Variants in LYZL2 observed in about 807,000 individuals in gnomAD.
LYZL2 encodes lysozyme-like protein 2.
Under a neutral mutation model 17.1 loss-of-function variants are expected in LYZL2, and 13 were observed. The observed-to-expected ratio is 0.76, with a 90% CI of 0.49 to 1.21. LYZL2 has a LOEUF of 1.21. Ranked by LOEUF, LYZL2 falls within the 50% of genes most tolerant of loss-of-function variation. The pLI, the probability that LYZL2 is intolerant of heterozygous loss-of-function variation, is 0.00. For missense variants in LYZL2, 166 were observed against 189.2 expected (o/e 0.88, Z 0.72); for synonymous variants, 63 against 74.4 (o/e 0.85, Z 0.79).
At chr10:30,623,805 G>A (rs1838660971) in intron 3 of LYZL2, among the ~76,000 whole-genome samples, 1 of 152,098 alleles carries the variant, frequency 6.6e-6, no homozygotes, top group South Asian at 2.1e-4. Context: ...TAAGTGTAAT[G>A]CGCTTGAATC....
intron 3 of LYZL2, among the ~76,000 whole-genome samples, chr10:30,614,951 G>A (rs1419145170): frequency 6.6e-6 from 1 of 152,146 alleles, no homozygotes; most frequent in Non-Finnish European, 1.5e-5. Flanking sequence ...ATTCAAATTA[G>A]TCATAATACC....
intron 3 of LYZL2, among the ~76,000 whole-genome samples, chr10:30,622,316 GTAGGCA>G (rs1474668800): frequency 6.6e-6 from 1 of 152,148 alleles, no homozygotes; most frequent in African/African-American, 2.4e-5. Context: ...GGAGGCCAAG[GTAGGCA>G]GATCACAAGG....
At chr10:30,619,368 A>C (rs1838583844) in intron 3 of LYZL2, among the ~76,000 whole-genome samples, 5 of 152,242 alleles carry the variant, frequency 3.3e-5, no homozygotes, top group Admixed American at 3.3e-4. Flanking sequence ...CTATAAAGAC[A>C]CATGCACACG....
At chr10:30,622,140 G>A (rs1003555220) in intron 3 of LYZL2, among the ~76,000 whole-genome samples, 1 of 151,898 alleles carries the variant, frequency 6.6e-6, no homozygotes, top group African/African-American at 2.4e-5. Flanking sequence ...AACCAATGGA[G>A]GAAATAAAAG....
At chr10:30,625,647 A>G (rs1838690139) in intron 3 of LYZL2, among the ~76,000 whole-genome samples, 1 of 152,160 alleles carries the variant, frequency 6.6e-6, no homozygotes, top group African/African-American at 2.4e-5. Flanking sequence ...ACGCACCACT[A>G]CACTCCAGCC....
intron 3 of LYZL2, among the ~76,000 whole-genome samples, chr10:30,614,709 G>A (rs1838500740): frequency 6.6e-6 from 1 of 152,174 alleles, no homozygotes; most frequent in African/African-American, 2.4e-5. Context: ...AGGTTCTCTG[G>A]ATACTTGCTG....
downstream of LYZL2, among the ~76,000 whole-genome samples, chr10:30,608,016 C>G (rs1163311404): frequency 3.3e-5 from 5 of 152,134 alleles, no homozygotes; most frequent in Admixed American, 6.5e-5. Flanking sequence ...AATTACAGCT[C>G]ACTGCAGCCT....
intron 3 of LYZL2, among the ~76,000 whole-genome samples, chr10:30,617,148 T>C (rs1257275402): frequency 6.6e-6 from 1 of 152,086 alleles, no homozygotes; most frequent in Non-Finnish European, 1.5e-5. Context: ...CATTCTATTA[T>C]TCTGGGATTG....
At chr10:30,619,569 T>A (rs1447837114) in intron 3 of LYZL2, among the ~76,000 whole-genome samples, 1 of 150,904 alleles carries the variant, frequency 6.6e-6, no homozygotes, top group Non-Finnish European at 1.5e-5. Flanking sequence ...CAGCAAACTA[T>A]CACAAGGACA....
chr10:30,617,679 A>AAAAAAAAAAAAAAAAAAAAAAAAG (rs1838554252), intron 3 of LYZL2, among the ~76,000 whole-genome samples: 17 of 107,002 alleles, frequency 1.6e-4, no homozygotes, highest in Non-Finnish European at 3.0e-4. Context: ...TGTCTCAAAA[A>AAAAAAAAAAAAAAAAAAAAAAAAG]AAAAAAAAAA....
intron 3 of LYZL2, among the ~76,000 whole-genome samples, chr10:30,618,231 G>A (rs1355568849): frequency 9.2e-5 from 14 of 152,252 alleles, no homozygotes; most frequent in Middle Eastern, 6.8e-3. Context: ...AATCAATATC[G>A]TGAAAATGGC....
downstream of LYZL2, among the ~76,000 whole-genome samples, chr10:30,611,575 GAAA>G (rs1564405888): frequency 0.013 from 1,250 of 97,286 alleles, 3 homozygotes; most frequent in Non-Finnish European, 0.018. Context: ...AGGAAGGAAA[GAAA>G]GAAAGAAAGA....
chr10:30,622,992 G>A (rs935015357), intron 3 of LYZL2, among the ~76,000 whole-genome samples: 16 of 152,182 alleles, frequency 1.1e-4, no homozygotes, highest in African/African-American at 3.6e-4. Flanking sequence ...CAAAGAAAGC[G>A]AGAGTGGGCT....
intron 1 of LYZL2, among the ~76,000 whole-genome samples, chr10:30,628,439 G>C (rs1275198157): frequency 6.6e-6 from 1 of 152,168 alleles, no homozygotes; most frequent in Non-Finnish European, 1.5e-5. Flanking sequence ...GGACAATAAA[G>C]AGGCCCCCAT....
At chr10:30,621,143 C>T (rs555376092) in intron 3 of LYZL2, among the ~76,000 whole-genome samples, 3 of 152,032 alleles carry the variant, frequency 2.0e-5, no homozygotes, top group Non-Finnish European at 2.9e-5. Context: ...CACACATCAT[C>T]GAATTGCTGA....
chr10:30,616,049 G>C (rs926038446), intron 3 of LYZL2, among the ~76,000 whole-genome samples: 1 of 152,116 alleles, frequency 6.6e-6, no homozygotes, highest in African/African-American at 2.4e-5. Context: ...AATAATGTTA[G>C]CATAAAATGT....
chr10:30,607,544 C>A (rs571267087), downstream of LYZL2, among the ~76,000 whole-genome samples: 7 of 152,168 alleles, frequency 4.6e-5, no homozygotes, highest in Non-Finnish European at 7.3e-5. Context: ...ATCTGTAAAT[C>A]AGAACAGTTT....
downstream of LYZL2, among the ~76,000 whole-genome samples, chr10:30,607,785 C>G (rs1221199838): frequency 6.6e-6 from 1 of 152,162 alleles, no homozygotes; most frequent in South Asian, 2.1e-4. Flanking sequence ...GTGTGAATTT[C>G]CACCCTTAGA....
chr10:30,623,917 T>G (rs1474610635), intron 3 of LYZL2, among the ~76,000 whole-genome samples: 1 of 152,104 alleles, frequency 6.6e-6, no homozygotes, highest in African/African-American at 2.4e-5. Context: ...CAGACCATAT[T>G]CTCTTACTGT....
Sources: allele counts gnomAD v4.1 joint callset (sites outside exome capture counted in the v4.1 genomes callset), GRCh38; gene constraint gnomAD v4.1.1; transcripts MANE v1.5; gene names NCBI Gene and HGNC (gene_info 2026-07-23, HGNC 2026-07-21).